Variants in CPA6 observed in about 807,000 individuals in gnomAD.
The protein encoded by CPA6 is carboxypeptidase B.
A neutral mutation model predicts 63.3 loss-of-function variants in CPA6; 58 were observed. The observed-to-expected ratio is 0.92, with a 90% CI of 0.74 to 1.14. The LOEUF is 1.14. Among genes scored for constraint, CPA6 ranks in the 50% most tolerant of loss-of-function variants. The pLI is 0.00. For missense variants in CPA6, 565 were observed against 526.6 expected, an observed-to-expected ratio of 1.07 and a Z score of -0.71; for synonymous variants, 185 against 179.0, an observed-to-expected ratio of 1.03 and a Z score of -0.27.
chr8:67,472,160 A>G (rs1490696333), intron 8 of CPA6, among the ~76,000 whole-genome samples: 1 of 152,098 alleles, frequency 6.6e-6, no homozygotes, highest in Non-Finnish European at 1.5e-5. Flanking sequence ...AGGCCTCCTA[A>G]AGACTGAGCA....
intron 1 of CPA6, among the ~76,000 whole-genome samples, chr8:67,713,526 AGAGT>A (rs1242809210): frequency 6.6e-6 from 1 of 152,178 alleles, no homozygotes. Context: ...TTAGTGAAAA[AGAGT>A]GAGGAGAAAC....
intron 2 of CPA6, among the ~76,000 whole-genome samples, chr8:67,592,965 A>C (rs570724487): frequency 6.7e-6 from 1 of 150,172 alleles, no homozygotes; most frequent in South Asian, 2.1e-4. Context: ...TAGCTCTTTT[A>C]ATTGTGATTT....
chr8:67,624,171 AT>A lies in CPA6; in HGVS notation c.192+4del. 6.6e-7 allele frequency: 1 copy of A among 1,513,392 alleles called. No individual in the cohort carries two copies. The highest frequency in any genetic ancestry group is 9.2e-7 in the Non-Finnish European group (1 of 1,092,024). The allele number at this position is 1,513,392 out of a possible 1,614,324, so 93.7% of individuals were successfully genotyped here. ...TCTACCATAAGTGTGTAGATGTTCT[AT>A]TACCTTAAGTTGATAGGATATTTTC... On this transcript the variant is annotated splice_donor_region_variant and intron_variant, in intron 2 of 10. Coordinates refer to ENST00000297770, the MANE Select transcript of CPA6 (RefSeq NM_020361.5).
intron 8 of CPA6, among the ~76,000 whole-genome samples, chr8:67,459,921 A>G (rs1270445101): frequency 6.6e-6 from 1 of 152,182 alleles, no homozygotes; most frequent in African/African-American, 2.4e-5. Context: ...GAGGCTATGC[A>G]TGTGTAGGGG....
At chr8:67,567,402 C>G (rs1813364629) in intron 2 of CPA6, among the ~76,000 whole-genome samples, 1 of 152,224 alleles carries the variant, frequency 6.6e-6, no homozygotes, top group Non-Finnish European at 1.5e-5. Flanking sequence ...TCAAATTACT[C>G]TTATATGGCA....
At chr8:67,523,965 T>G (rs1202880289) in intron 2 of CPA6, among the ~76,000 whole-genome samples, 1 of 152,262 alleles carries the variant, frequency 6.6e-6, no homozygotes, top group Non-Finnish European at 1.5e-5. Flanking sequence ...GCAGGGCACT[T>G]ATGTGCCATG....
intron 1 of CPA6, among the ~76,000 whole-genome samples, chr8:67,692,112 G>A (rs10112829): frequency 0.095 from 14,388 of 152,090 alleles, 1,289 homozygotes; most frequent in African/African-American, 0.23. Flanking sequence ...CGAGGCCAGC[G>A]GATCACCTGA....
chr8:67,694,999 A>C (rs752204166), intron 1 of CPA6, among the ~76,000 whole-genome samples: 1 of 152,100 alleles, frequency 6.6e-6, no homozygotes, highest in Admixed American at 6.5e-5. Flanking sequence ...GAGAAGAGAT[A>C]TGGGGATAGA....
chr8:67,637,187 C>T (rs1201025722), intron 1 of CPA6, among the ~76,000 whole-genome samples: 2 of 151,660 alleles, frequency 1.3e-5, no homozygotes, highest in African/African-American at 2.4e-5. Flanking sequence ...AGCTGGACTT[C>T]ACTTTATAAC....
intron 1 of CPA6, among the ~76,000 whole-genome samples, chr8:67,695,619 C>T (rs571326750): frequency 7.2e-5 from 11 of 152,292 alleles, no homozygotes; most frequent in South Asian, 2.1e-4. Flanking sequence ...AACTGGCTCA[C>T]GCTCATGGAA....
chr8:67,519,055 A>G (rs1023693484), intron 2 of CPA6, among the ~76,000 whole-genome samples: 9 of 152,210 alleles, frequency 5.9e-5, no homozygotes, highest in African/African-American at 1.9e-4. Flanking sequence ...ATCCTGGAAC[A>G]GTGCCTTGTG....
rs79646332 is a variant in CPA6, at chr8:67,513,260, A to C, written c.318-1605T>G. ...TGATTAGGCTTGTATGGGCTAAAGA[A>C]TTTTACAATATTGCTAAAGTAAGTC... On this transcript the variant is annotated intron_variant, in intron 3 of 10. Transcript: ENST00000297770. Among the ~76,000 whole-genome samples, 1,186 of 152,244 alleles carry C rather than the reference A, an allele frequency of 7.8e-3. 14 individuals are homozygous for C. Among genetic ancestry groups the C allele is most frequent in the African/African-American group, 0.027 (1,127 of 41,538 alleles).
At chr8:67,695,937 G>A (rs1816905026) in intron 1 of CPA6, among the ~76,000 whole-genome samples, 1 of 152,142 alleles carries the variant, frequency 6.6e-6, no homozygotes, top group Admixed American at 6.5e-5. Flanking sequence ...GCTTAGAGGT[G>A]ATAGTTCCAG....
intron 2 of CPA6, among the ~76,000 whole-genome samples, chr8:67,522,389 C>G (rs1812278096): frequency 6.6e-6 from 1 of 152,188 alleles, no homozygotes; most frequent in South Asian, 2.1e-4. Context: ...TACCTCATTC[C>G]TCTTAGTCAT....
At chr8:67,644,222 C>T (rs1436751565) in intron 1 of CPA6, among the ~76,000 whole-genome samples, 2 of 152,018 alleles carry the variant, frequency 1.3e-5, no homozygotes, top group Non-Finnish European at 2.9e-5. Flanking sequence ...GGGTTCACGC[C>T]ATTCTCCTGC....
chr8:67,727,246 T>C (rs1817614020), intron 1 of CPA6, among the ~76,000 whole-genome samples: 1 of 152,162 alleles, frequency 6.6e-6, no homozygotes, highest in Non-Finnish European at 1.5e-5. Flanking sequence ...CTATATCATA[T>C]AGCAAAACCA....
intron 1 of CPA6, among the ~76,000 whole-genome samples, chr8:67,663,688 C>G (rs1816167872): frequency 6.6e-6 from 1 of 152,156 alleles, no homozygotes. Context: ...AATATTCTTG[C>G]AAAGGACATG....
At chr8:67,731,226 T>C (rs1817699221) in intron 1 of CPA6, among the ~76,000 whole-genome samples, 1 of 152,198 alleles carries the variant, frequency 6.6e-6, no homozygotes, top group Non-Finnish European at 1.5e-5. Context: ...CTATACAAGT[T>C]GCATTTGAAG....
chr8:67,575,965 T>C lies in CPA6; in HGVS notation c.192+48211A>G, dbSNP rs538167791. Among the ~76,000 whole-genome samples the C allele has an allele frequency of 2.0e-5, 3 of 152,284 alleles. No individual in the cohort carries two copies. In the South Asian group the frequency reaches 6.2e-4, roughly 32 times the overall value. On this transcript the variant is annotated intron_variant, in intron 2 of 10. Transcript: ENST00000297770. ...CAAGACAAATAATACATGTTCTCACTTGATTTTGGTATTGAAAACAATTGA... is the reference window on the plus strand; with the variant it reads ...CAAGACAAATAATACATGTTCTCACCTGATTTTGGTATTGAAAACAATTGA...
Sources: gnomAD v4.1 joint callset for allele counts (sites outside exome capture counted in the v4.1 genomes callset) on GRCh38, gnomAD v4.1.1 for gene constraint, MANE v1.5 for transcripts, NCBI Gene and HGNC (gene_info 2026-07-23, HGNC 2026-07-21) for gene names.